Variants in KHDRBS2 observed in about 807,000 individuals in gnomAD.
KHDRBS2 encodes KH domain-containing, RNA-binding, signal transduction-associated protein 2.
Under a neutral mutation model 44.3 loss-of-function variants are expected in KHDRBS2, and 26 were observed. The observed-to-expected ratio is 0.59, with a 90% CI of 0.43 to 0.81. KHDRBS2 has a LOEUF of 0.81. Among genes scored for constraint, KHDRBS2 ranks in the 40% least tolerant of loss-of-function variants. The pLI, the probability that KHDRBS2 is intolerant of heterozygous loss-of-function variation, is 0.00. For missense variants in KHDRBS2, 476 were observed against 433.1 expected (o/e 1.10, Z -0.88); for synonymous variants, 194 against 151.1 (o/e 1.28, Z -2.08).
At chr6:61,649,433 G>C in the KHDRBS2 span, among the ~76,000 whole-genome samples, 1 of 152,152 alleles carries the variant, frequency 6.6e-6, no homozygotes, top group African/African-American at 2.4e-5. Context: ...GTGGGTGTCA[G>C]CCTATATTGA....
At chr6:62,001,589 T>C (rs1778249746) in intron 3 of KHDRBS2, among the ~76,000 whole-genome samples, 1 of 152,154 alleles carries the variant, frequency 6.6e-6, no homozygotes, top group African/African-American at 2.4e-5. Flanking sequence ...TCCATATTCT[T>C]AATAACATTA....
At chr6:61,740,582 C>T (rs1215757851) in intron 6 of KHDRBS2, among the ~76,000 whole-genome samples, 3 of 151,910 alleles carry the variant, frequency 2.0e-5, no homozygotes, top group Admixed American at 6.6e-5. Flanking sequence ...AACATGTTAT[C>T]ATAGTTACTG....
intron 2 of KHDRBS2, among the ~76,000 whole-genome samples, chr6:62,168,899 G>A (rs1585037493): frequency 1.3e-5 from 2 of 151,622 alleles, no homozygotes; most frequent in South Asian, 4.2e-4. Flanking sequence ...GAAAGACATT[G>A]TATTATGATG....
the KHDRBS2 span, among the ~76,000 whole-genome samples, chr6:61,549,649 C>A: frequency 5.3e-5 from 8 of 152,078 alleles, no homozygotes; most frequent in African/African-American, 1.7e-4. Context: ...GAAATAACTA[C>A]TAGTTGGAAG....
intron 2 of KHDRBS2, among the ~76,000 whole-genome samples, chr6:62,164,181 G>C (rs1468919787): frequency 6.6e-6 from 1 of 151,780 alleles, no homozygotes; most frequent in Non-Finnish European, 1.5e-5. Flanking sequence ...ATGATGTAAT[G>C]AGATAAAGGC....
intron 8 of KHDRBS2, among the ~76,000 whole-genome samples, chr6:61,687,764 A>G (rs1390093940): frequency 6.6e-6 from 1 of 151,854 alleles, no homozygotes; most frequent in Non-Finnish European, 1.5e-5. Context: ...AATTACTGCT[A>G]TATTCTAATT....
the KHDRBS2 span, among the ~76,000 whole-genome samples, chr6:61,619,185 C>G: frequency 2.0e-5 from 3 of 151,896 alleles, no homozygotes; most frequent in Admixed American, 6.6e-5. Flanking sequence ...TATATAGTGG[C>G]GAATTCTGAG....
chr6:61,554,336 T>C, the KHDRBS2 span, among the ~76,000 whole-genome samples: 4 of 152,316 alleles, frequency 2.6e-5, no homozygotes, highest in Admixed American at 6.5e-5. Context: ...CCCTGTTTTT[T>C]TTTCGGTTTC....
At position 61,680,307 on chromosome 6, in the gene KHDRBS2, T is replaced by C; in HGVS notation, c.*656A>G. The C allele has an allele frequency of 6.6e-6, 1 of 152,204 alleles. No homozygotes were observed. Among genetic ancestry groups the C allele is most frequent in the Non-Finnish European group, 1.5e-5 (1 of 67,878 alleles). The allele number at this position is 152,204 out of a possible 1,614,324, so 9.4% of individuals were successfully genotyped here. The stretch of plus-strand genomic sequence containing the variant: ...ATATTTGACAAATTGTGGTTTCCTA[T>C]TTAGAGAAGCTTACACATGGAACTT... On this transcript the variant is annotated 3_prime_UTR_variant, in exon 9 of 9. Coordinates refer to ENST00000281156, the MANE Select transcript of KHDRBS2 (RefSeq NM_152688.4).
chr6:62,071,096 T>G (rs558923231), intron 2 of KHDRBS2, among the ~76,000 whole-genome samples: 13 of 152,200 alleles, frequency 8.5e-5, no homozygotes, highest in Non-Finnish European at 1.5e-4. Flanking sequence ...CAAGTGATGA[T>G]GAGCATTTTT....
At chr6:62,283,768 G>A (rs1467252296) in intron 1 of KHDRBS2, among the ~76,000 whole-genome samples, 2 of 152,026 alleles carry the variant, frequency 1.3e-5, no homozygotes, top group African/African-American at 4.8e-5. Flanking sequence ...GAGATTCCAA[G>A]AACAATCATC....
chr6:62,092,719 G>A (rs773229908), intron 2 of KHDRBS2, among the ~76,000 whole-genome samples: 16 of 152,032 alleles, frequency 1.1e-4, no homozygotes, highest in Non-Finnish European at 2.1e-4. Context: ...TTAATTTACA[G>A]GCAAAGTGTA....
chr6:61,602,019 A>C, the KHDRBS2 span, among the ~76,000 whole-genome samples: 2 of 152,186 alleles, frequency 1.3e-5, no homozygotes, highest in Non-Finnish European at 1.5e-5. Flanking sequence ...AGCCCAGGTC[A>C]CGGCTTATTT....
intron 8 of KHDRBS2, among the ~76,000 whole-genome samples, chr6:61,693,515 C>A (rs952051983): frequency 6.6e-6 from 1 of 151,948 alleles, no homozygotes; most frequent in Non-Finnish European, 1.5e-5. Flanking sequence ...TTTGGCTGTG[C>A]AAAAAGAGGA....
chr6:62,041,847 G>A (rs1291918002), intron 3 of KHDRBS2, among the ~76,000 whole-genome samples: 1 of 151,972 alleles, frequency 6.6e-6, no homozygotes, highest in Non-Finnish European at 1.5e-5. Context: ...TGTTATTGAA[G>A]CTTATGAAGA....
At chr6:61,638,039 T>G in the KHDRBS2 span, among the ~76,000 whole-genome samples, 2 of 152,100 alleles carry the variant, frequency 1.3e-5, no homozygotes, top group Non-Finnish European at 2.9e-5. Flanking sequence ...TTAGTTTAAT[T>G]AGATCCCATT....
chr6:61,782,720 TATATATATATATATATATAC>T (rs1783164536), intron 6 of KHDRBS2, among the ~76,000 whole-genome samples: 3 of 98,054 alleles, frequency 3.1e-5, no homozygotes, highest in African/African-American at 1.8e-4. Flanking sequence ...TATATATATA[TATATATATATATATATATAC>T]ACACACACAT....
intron 4 of KHDRBS2, among the ~76,000 whole-genome samples, chr6:61,954,449 G>A (rs551972178): frequency 9.5e-5 from 10 of 105,516 alleles, no homozygotes; most frequent in East Asian, 5.5e-4. Context: ...ACATATATAC[G>A]TATGTATGTA....
chr6:61,712,815 C>G (rs578160680), intron 7 of KHDRBS2, among the ~76,000 whole-genome samples: 3 of 151,818 alleles, frequency 2.0e-5, no homozygotes, highest in Admixed American at 2.0e-4. Context: ...TGCCCCCCAC[C>G]TAGCCTTTTA....
Sources: gnomAD v4.1 joint callset for allele counts (sites outside exome capture counted in the v4.1 genomes callset) on GRCh38, gnomAD v4.1.1 for gene constraint, MANE v1.5 for transcripts, NCBI Gene and HGNC (gene_info 2026-07-23, HGNC 2026-07-21) for gene names.